LRP1B: variants seen among roughly 807,000 people sequenced by gnomAD.
The protein encoded by LRP1B is low-density lipoprotein receptor-related protein 1B.
LRP1B carries 217 observed loss-of-function variants against 556.6 expected under a neutral mutation model. The observed-to-expected ratio is 0.39, with a 90% CI of 0.35 to 0.44. The LOEUF is 0.44. Among genes scored for constraint, LRP1B ranks in the 20% least tolerant of loss-of-function variants. The pLI is 1.00. For synonymous variants in LRP1B, 2,047 were observed against 1,865.8 expected, an observed-to-expected ratio of 1.10 and a Z score of -2.50; for missense variants, 5,053 against 5,620.8, an observed-to-expected ratio of 0.90 and a Z score of 3.23.
intron 78 of LRP1B, 117 bp from the exon 79 acceptor site, chr2:140,334,676 A>T (rs1472134286): frequency 2.0e-5 from 11 of 538,188 alleles, no homozygotes; most frequent in Non-Finnish European, 3.3e-5. Context: ...AGAGTCTCTT[A>T]AAAAGAGTCA....
intron 6 of LRP1B, among the ~76,000 whole-genome samples, chr2:141,202,977 T>A (rs1019972204): frequency 2.0e-5 from 3 of 152,022 alleles, no homozygotes; most frequent in Non-Finnish European, 2.9e-5. Flanking sequence ...GAACATGCGA[T>A]ACTTGGTTTT....
chr2:140,737,056 CA>C (rs747170249), intron 35 of LRP1B, among the ~76,000 whole-genome samples: 2 of 152,006 alleles, frequency 1.3e-5, no homozygotes, highest in African/African-American at 2.4e-5. Flanking sequence ...CACCCTCCCC[CA>C]AAAAAATAAA....
chr2:141,141,640 A>G (rs1701655200), intron 7 of LRP1B, among the ~76,000 whole-genome samples: 1 of 152,152 alleles, frequency 6.6e-6, no homozygotes, highest in African/African-American at 2.4e-5. Flanking sequence ...AAACTTATGG[A>G]CCTTGTATGA....
chr2:141,873,985 T>G (rs1465604059), intron 1 of LRP1B, among the ~76,000 whole-genome samples: 1 of 149,318 alleles, frequency 6.7e-6, no homozygotes, highest in Non-Finnish European at 1.5e-5. Flanking sequence ...TTATACACCA[T>G]CAAGAGGTAT....
At chr2:141,601,192 C>G (rs1183196802) in intron 2 of LRP1B, among the ~76,000 whole-genome samples, 2 of 140,486 alleles carry the variant, frequency 1.4e-5, no homozygotes, top group African/African-American at 5.4e-5. Flanking sequence ...TAGTATCTGT[C>G]TGTCTGTCAG....
rs1247812627 is a variant in LRP1B at position 140,370,854 on chromosome 2, C to T, written c.10876-12G>A. On this transcript the variant is annotated splice_polypyrimidine_tract_variant and intron_variant, in intron 70 of 90. Coordinates refer to ENST00000389484, the MANE Select transcript of LRP1B (RefSeq NM_018557.3). The stretch of plus-strand genomic sequence containing the variant: ...GTCACACAGTCCATCTGTTCAAATA[C>T]AAATGGACACTGCAGTTTTCATTAA... 6.2e-7 allele frequency: 1 copy of T among 1,611,468 alleles called. No homozygotes were observed. The highest frequency in any genetic ancestry group is 1.7e-5 in the Admixed American group (1 of 59,792).
intron 41 of LRP1B, among the ~76,000 whole-genome samples, chr2:140,643,463 C>A (rs1684374484): frequency 1.3e-5 from 2 of 152,000 alleles, no homozygotes; most frequent in Non-Finnish European, 2.9e-5. Flanking sequence ...TGATTTTATT[C>A]TTATAATGAG....
At chr2:140,418,508 G>A (rs1186312113) in intron 66 of LRP1B, among the ~76,000 whole-genome samples, 1 of 152,110 alleles carries the variant, frequency 6.6e-6, no homozygotes, top group Non-Finnish European at 1.5e-5. Flanking sequence ...TTACAGTCAA[G>A]GCAGAATATG....
intron 2 of LRP1B, among the ~76,000 whole-genome samples, chr2:141,623,168 A>T (rs1436956709): frequency 6.7e-6 from 1 of 148,860 alleles, no homozygotes; most frequent in Non-Finnish European, 1.5e-5. Flanking sequence ...AGCTGTGATC[A>T]CTTAATTTAA....
chr2:141,176,443 C>A (rs1344098030), intron 7 of LRP1B, among the ~76,000 whole-genome samples: 1 of 151,948 alleles, frequency 6.6e-6, no homozygotes, highest in Admixed American at 6.6e-5. Context: ...AAGTGTGTGG[C>A]ATTTTCTCCC....
chr2:141,940,918 TAGCTAGCC>T (rs1700779075), intron 1 of LRP1B, among the ~76,000 whole-genome samples: 1 of 152,196 alleles, frequency 6.6e-6, no homozygotes, highest in Non-Finnish European at 1.5e-5. Context: ...CAACGTCACC[TAGCTAGCC>T]AGTGACAATG....
At chr2:141,206,464 A>G (rs1682287318) in intron 6 of LRP1B, among the ~76,000 whole-genome samples, 1 of 152,040 alleles carries the variant, frequency 6.6e-6, no homozygotes, top group African/African-American at 2.4e-5. Flanking sequence ...GGGCGCCTGT[A>G]GTCCCAGCTA....
At chr2:140,573,311 G>A (rs1056526666) in intron 43 of LRP1B, among the ~76,000 whole-genome samples, 9 of 151,766 alleles carry the variant, frequency 5.9e-5, no homozygotes, top group African/African-American at 2.2e-4. Flanking sequence ...AGTAAATTAA[G>A]AAAATTTAGG....
In LRP1B at chr2:141,056,482, C is replaced by A. The variant is rs758066013; in HGVS notation, c.1409-1223G>T. 4.6e-5 allele frequency among the ~76,000 whole-genome samples: 7 copies of A among 151,802 alleles called. No homozygotes were observed. The East Asian group carries it at 1.4e-3, about 30-fold the overall frequency. On this transcript the variant is annotated intron_variant, in intron 9 of 90. Coordinates refer to ENST00000389484, the MANE Select transcript of LRP1B (RefSeq NM_018557.3). The stretch of plus-strand genomic sequence containing the variant: ...CTACCAATGATCATTTTCTACAATT[C>A]TTTTCCTTCTTCTCTCTCTCAAACC...
At chr2:140,764,748 G>A (rs746097645) in intron 35 of LRP1B, among the ~76,000 whole-genome samples, 9 of 152,020 alleles carry the variant, frequency 5.9e-5, no homozygotes, top group Non-Finnish European at 1.0e-4. Context: ...ACACCAGAGC[G>A]ATACATTTGT....
At chr2:140,518,963 A>G (rs983867861) in intron 49 of LRP1B, among the ~76,000 whole-genome samples, 1 of 152,052 alleles carries the variant, frequency 6.6e-6, no homozygotes. Context: ...ATAAAAGAGG[A>G]CACAAATAAA....
chr2:140,678,817 G>A lies in LRP1B; in HGVS notation c.6799+21433C>T, dbSNP rs1837777. ...GGGGGGAATGGAGTCTCTCTCTGTC[G>A]CCCGGGCTGGAGTGCAATGGCATAG... On this transcript the variant is annotated intron_variant, in intron 41 of 90. Coordinates refer to ENST00000389484, the MANE Select transcript of LRP1B (RefSeq NM_018557.3). 1.5e-4 allele frequency among the ~76,000 whole-genome samples: 22 copies of A among 148,600 alleles called. No homozygotes were observed. In the East Asian group the frequency reaches 2.6e-3, roughly 18 times the overall value.
chr2:140,781,822 C>T (rs2104964053), intron 32 of LRP1B, among the ~76,000 whole-genome samples: 1 of 152,298 alleles, frequency 6.6e-6, no homozygotes, highest in East Asian at 1.9e-4. Flanking sequence ...TTCTTTCTCC[C>T]TCATTCTAAG....
At chr2:141,466,203 T>TA (rs1362025920) in intron 3 of LRP1B, among the ~76,000 whole-genome samples, 1 of 152,196 alleles carries the variant, frequency 6.6e-6, no homozygotes, top group African/African-American at 2.4e-5. Context: ...TTTTTGTTTA[T>TA]ATAATTTTAT....
Sources: allele counts gnomAD v4.1 joint callset (sites outside exome capture counted in the v4.1 genomes callset), GRCh38; gene constraint gnomAD v4.1.1; transcripts MANE v1.5; gene names NCBI Gene and HGNC (gene_info 2026-07-23, HGNC 2026-07-21).